PCDH11Y: variants seen among roughly 807,000 people sequenced by gnomAD.
PCDH11Y encodes the protein protocadherin-11 Y-linked.
For synonymous variants in PCDH11Y, 9 were observed against 83.6 expected (o/e 0.11, Z 4.87); for missense variants, 12 against 224.8 (o/e 0.05, Z 6.05).
At chrY:5,283,515 C>T in intron 2 of PCDH11Y, among the ~76,000 whole-genome samples, 1 of 32,771 alleles carries the variant, frequency 3.1e-5, no homozygotes, top group African/African-American at 1.2e-4. Context: ...TGGTCATTAA[C>T]AGTGGCAGGT....
intron 2 of PCDH11Y, among the ~76,000 whole-genome samples, chrY:5,447,089 G>T: frequency 8.9e-5 from 3 of 33,539 alleles, no homozygotes; most frequent in African/African-American, 3.5e-4. Context: ...AACAACTTGG[G>T]TTTATGTCTA....
At chrY:5,009,409 A>T in intron 1 of PCDH11Y, among the ~76,000 whole-genome samples, 1 of 33,951 alleles carries the variant, frequency 2.9e-5, no homozygotes, top group East Asian at 7.7e-4. Context: ...GTATCAATGC[A>T]TTATTTTATT....
intron 2 of PCDH11Y, among the ~76,000 whole-genome samples, chrY:5,499,013 T>C (rs2053349348): frequency 3.1e-5 from 1 of 32,162 alleles, no homozygotes; most frequent in Admixed American, 2.9e-4. Context: ...AAAAATTAGC[T>C]TGGTGTGGTG....
At chrY:5,311,528 T>TAC in intron 2 of PCDH11Y, among the ~76,000 whole-genome samples, 1 of 25,085 alleles carries the variant, frequency 4.0e-5, no homozygotes, top group Admixed American at 4.0e-4. Context: ...TATATATATA[T>TAC]ACACACACAT....
rs376402244 is a variant in PCDH11Y, at chrY:5,565,942, G to GTATA, written c.3329-15816_3329-15813dup. 1.7e-3 allele frequency among the ~76,000 whole-genome samples: 31 copies of GTATA among 18,122 alleles called. No individual in the cohort carries two copies. The South Asian group carries it at 0.03, about 18-fold the overall frequency. 48.6% of individuals were successfully genotyped at this position (18,122 alleles called of 37,273 possible). A position where few individuals can be genotyped will look rare whatever the true frequency, so the allele number is the denominator to read the frequency against. ...TATAGATGTGTGTGTGTGTGTGTGT[G>GTATA]TATATATATATATATATATAATATA... is the stretch of plus-strand genomic sequence containing the variant. On this transcript the variant is annotated intron_variant, in intron 3 of 4. Coordinates refer to the PCDH11Y transcript ENST00000400457.
chrY:5,417,817 T>A, intron 2 of PCDH11Y, among the ~76,000 whole-genome samples: 1 of 32,707 alleles, frequency 3.1e-5, no homozygotes, highest in African/African-American at 1.2e-4. Context: ...TATGTCCATA[T>A]AATTTAAAGA....
chrY:5,562,806 A>G, intron 3 of PCDH11Y, among the ~76,000 whole-genome samples: 1 of 30,920 alleles, frequency 3.2e-5, no homozygotes, highest in Non-Finnish European at 7.8e-5. Flanking sequence ...ATTGTAATAA[A>G]CTATTAAACT....
intron 3 of PCDH11Y, among the ~76,000 whole-genome samples, chrY:5,550,728 T>C: frequency 3.2e-5 from 1 of 31,653 alleles, no homozygotes; most frequent in Non-Finnish European, 7.8e-5. Flanking sequence ...GTGTATCATG[T>C]GCTCTGGCAC....
chrY:5,110,575 C>T (rs2052801868), intron 2 of PCDH11Y, among the ~76,000 whole-genome samples: 1 of 32,855 alleles, frequency 3.0e-5, no homozygotes, highest in African/African-American at 1.2e-4. Flanking sequence ...TTTGACTATT[C>T]AGTAGTAGTG....
At chrY:5,680,863 G>A in intron 4 of PCDH11Y, among the ~76,000 whole-genome samples, 1 of 32,133 alleles carries the variant, frequency 3.1e-5, no homozygotes, top group South Asian at 7.1e-4. Context: ...AGCCTCAAAA[G>A]CACTAATCTA....
At chrY:5,626,527 G>C in intron 4 of PCDH11Y, among the ~76,000 whole-genome samples, 6 of 32,008 alleles carry the variant, frequency 1.9e-4, no homozygotes, top group Non-Finnish European at 4.6e-4. Flanking sequence ...CTAACTTCTT[G>C]GTGTGGGTGT....
chrY:5,357,219 G>GTA (rs2053168379), intron 2 of PCDH11Y, among the ~76,000 whole-genome samples: 3 of 15,913 alleles, frequency 1.9e-4, no homozygotes, highest in African/African-American at 2.9e-4. Flanking sequence ...ATATATACAC[G>GTA]TATATATATA....
At chrY:5,519,084 T>C in intron 3 of PCDH11Y, among the ~76,000 whole-genome samples, 1 of 31,786 alleles carries the variant, frequency 3.1e-5, no homozygotes, top group Non-Finnish European at 7.6e-5. Context: ...TTACAACAGA[T>C]AATTTCTGTT....
At chrY:5,183,941 CT>C (rs2052903821) in intron 2 of PCDH11Y, among the ~76,000 whole-genome samples, 3 of 24,947 alleles carry the variant, frequency 1.2e-4, no homozygotes, top group Admixed American at 3.4e-4. Flanking sequence ...AATAGTTATC[CT>C]TTTTTTTTCT....
At chrY:5,406,612 T>C in intron 2 of PCDH11Y, among the ~76,000 whole-genome samples, 1 of 33,870 alleles carries the variant, frequency 3.0e-5, no homozygotes, top group Non-Finnish European at 7.3e-5. Context: ...GAAGTATCCT[T>C]AATGTTTTTG....
intron 3 of PCDH11Y, among the ~76,000 whole-genome samples, chrY:5,045,449 T>C: frequency 3.0e-5 from 1 of 33,051 alleles, no homozygotes; most frequent in Non-Finnish European, 7.4e-5. Context: ...CCCCACTCTC[T>C]TCTGGCTTGT....
chrY:5,565,516 AT>A (rs2053433398), intron 3 of PCDH11Y, among the ~76,000 whole-genome samples: 1 of 31,729 alleles, frequency 3.2e-5, no homozygotes, highest in African/African-American at 1.2e-4. Flanking sequence ...ATTCTATTGT[AT>A]ATTAATATTA....
intron 3 of PCDH11Y, among the ~76,000 whole-genome samples, chrY:5,050,123 A>G: frequency 3.0e-5 from 1 of 33,238 alleles, no homozygotes; most frequent in Non-Finnish European, 7.4e-5. Context: ...ATTGGTTTTA[A>G]AAGGTTGCTA....
chrY:5,358,127 G>T, intron 2 of PCDH11Y, among the ~76,000 whole-genome samples: 1 of 33,121 alleles, frequency 3.0e-5, no homozygotes, highest in African/African-American at 1.2e-4. Context: ...GTAGAGTTGG[G>T]GTTTCTCCAT....
Sources: gnomAD v4.1 joint callset for allele counts (sites outside exome capture counted in the v4.1 genomes callset) on GRCh38, gnomAD v4.1.1 for gene constraint, MANE v1.5 for transcripts, NCBI Gene and HGNC (gene_info 2026-07-23, HGNC 2026-07-21) for gene names.